CD99: variants seen among roughly 807,000 people sequenced by gnomAD.
CD99 encodes CD99 antigen.
A neutral mutation model predicts 28.4 loss-of-function variants in CD99; 19 were observed. The observed-to-expected ratio is 0.67, with a 90% confidence interval of 0.47 to 0.98. The LOEUF is 0.98. Among genes scored for constraint, CD99 ranks in the 50% least tolerant of loss-of-function variants. The pLI is 0.00. For synonymous variants in CD99, 103 were observed against 92.1 expected, an observed-to-expected ratio of 1.12 and a Z score of -0.67; for missense variants, 283 against 248.8, an observed-to-expected ratio of 1.14 and a Z score of -0.92.
intron 1 of CD99, among the ~76,000 whole-genome samples, chrX:2,699,737 G>A (rs1409613722): frequency 1.3e-5 from 2 of 152,102 alleles, no homozygotes; most frequent in South Asian, 2.1e-4. Flanking sequence ...GTTTATAGGC[G>A]GGAGCCACTG....
intron 1 of CD99, among the ~76,000 whole-genome samples, chrX:2,706,749 G>A (rs2048135784): frequency 6.6e-6 from 1 of 152,134 alleles, no homozygotes. Flanking sequence ...CTGTTACTAT[G>A]TAATGATTGT....
intron 1 of CD99, 53 bp downstream of exon 1, chrX:2,691,480 C>T (rs1376001828): frequency 2.3e-5 from 36 of 1,535,920 alleles, no homozygotes; most frequent in Non-Finnish European, 3.1e-5. Flanking sequence ...CGGGCCGGGA[C>T]TGGGGATCCG....
At chrX:2,693,659 G>T (rs186471626) in intron 1 of CD99, among the ~76,000 whole-genome samples, 8 of 152,160 alleles carry the variant, frequency 5.3e-5, no homozygotes, top group Non-Finnish European at 1.0e-4. Context: ...GATAGCTCTG[G>T]CCTGATCTCA....
chrX:2,717,651 T>G lies in CD99; in HGVS notation c.147T>G (p.Ala49=), dbSNP rs1161958046. 6.2e-7 allele frequency: 1 copy of G among 1,613,182 alleles called. No individual in the cohort carries two copies. The highest frequency in any genetic ancestry group is 8.5e-7 in the Non-Finnish European group (1 of 1,179,270). ...KPTAIPKKPS[A]GDDFDLGDAV... is the part of the protein sequence containing the mutation. ...CTGCAATCCCCAAGAAACCCAGTGC[T>G]GGTGAGAAGGGCTTCTTCCTAGTAT... is the stretch of plus-strand genomic sequence containing the variant. The change falls in exon 3 of 10, where the codon GCT becomes GCG. Residue 49 remains alanine (A), a splice_region_variant and synonymous_variant. Coordinates refer to ENST00000381192, the MANE Select transcript of CD99 (RefSeq NM_002414.5).
intron 8 of CD99, among the ~76,000 whole-genome samples, chrX:2,736,571 T>A (rs2049950846): frequency 6.6e-6 from 1 of 151,252 alleles, no homozygotes. Flanking sequence ...AATTTGGGAA[T>A]AGAGGGCCGG....
In CD99 at chrX:2,717,646, A is replaced by G; in HGVS notation, c.142A>G (p.Ser48Gly). The change falls in exon 3 of 10, where the codon AGT becomes GGT. Residue 48 changes from serine (S) to glycine (G), a missense_variant. Physicochemically the swap from Ser to Gly is moderately conservative, Grantham distance 56. Transcript: ENST00000381192. ...KKPTAIPKKP[S>G]AGDDFDLGDA... ...ACCCACTGCAATCCCCAAGAAACCC[A>G]GTGCTGGTGAGAAGGGCTTCTTCCT... is the stretch of plus-strand genomic sequence containing the variant. 6.2e-7 allele frequency: 1 copy of G among 1,613,528 alleles called. No homozygotes were observed.
chrX:2,698,182 T>C (rs1461241725), intron 1 of CD99, among the ~76,000 whole-genome samples: 1 of 150,366 alleles, frequency 6.7e-6, no homozygotes, highest in African/African-American at 2.5e-5. Context: ...TTTTTCTTTG[T>C]TTCTTTTTTT....
intron 1 of CD99, among the ~76,000 whole-genome samples, chrX:2,700,320 C>G (rs1361012857): frequency 6.6e-6 from 1 of 152,166 alleles, no homozygotes; most frequent in East Asian, 1.9e-4. Context: ...TCCTCAGGGT[C>G]TCCGTGTTCT....
chrX:2,707,118 C>A (rs2048157072), intron 1 of CD99, among the ~76,000 whole-genome samples: 1 of 152,124 alleles, frequency 6.6e-6, no homozygotes, highest in African/African-American at 2.4e-5. Context: ...TCACTTGATG[C>A]CCGGAGTTTG....
rs768634124 is a variant in CD99 at position 2,740,895 on chromosome X, G to C, written c.*91G>C. Reference sequence around the variant, plus strand: ...CCTGAAGGACACCTGCCTGAGAGCAGAGATGGAGGCCTTCTGTTCACGGCG... The same window carrying C: ...CCTGAAGGACACCTGCCTGAGAGCACAGATGGAGGCCTTCTGTTCACGGCG... On this transcript the variant is annotated 3_prime_UTR_variant, in exon 10 of 10. Transcript: ENST00000381192. 7.5e-7 allele frequency: 1 copy of C among 1,341,014 alleles called. No homozygotes were observed. The highest frequency in any genetic ancestry group is 1.1e-6 in the Non-Finnish European group (1 of 930,760). The allele number at this position is 1,341,014 out of a possible 1,614,324, so 83.1% of individuals were successfully genotyped here.
intron 1 of CD99, among the ~76,000 whole-genome samples, chrX:2,703,917 G>A (rs910528920): frequency 3.9e-5 from 6 of 152,086 alleles, no homozygotes; most frequent in Non-Finnish European, 8.8e-5. Context: ...GCCTGTGGAA[G>A]GGGTGACAGG....
chrX:2,727,163 C>T (rs1195222329), intron 8 of CD99: 3 of 701,910 alleles, frequency 4.3e-6, no homozygotes, highest in Non-Finnish European at 8.0e-6. Context: ...CAAAAACCAG[C>T]ACAGCGGATT....
chrX:2,733,787 C>G (rs746383768), intron 8 of CD99: 7 of 217,432 alleles, frequency 3.2e-5, no homozygotes, highest in Admixed American at 2.1e-4. Flanking sequence ...TAAGCTCACT[C>G]ACGTCCTAAG....
At chrX:2,737,282 A>T (rs140713992) in intron 8 of CD99, among the ~76,000 whole-genome samples, 4,877 of 151,624 alleles carry the variant, frequency 0.032, 93 homozygotes, top group East Asian at 0.094. Flanking sequence ...GGTTCAAATG[A>T]TTCTCCTGTC....
intron 1 of CD99, among the ~76,000 whole-genome samples, chrX:2,703,995 G>C (rs1245334678): frequency 6.6e-6 from 1 of 151,994 alleles, no homozygotes; most frequent in African/African-American, 2.4e-5. Flanking sequence ...TCCTGAAGGC[G>C]GGGTCCTTCA....
At chrX:2,733,375 G>T in intron 8 of CD99, 1 of 1,592,680 alleles carries the variant, frequency 6.3e-7, no homozygotes. Context: ...AGACCTAGGG[G>T]TGAGCAGAGA....
intron 1 of CD99, among the ~76,000 whole-genome samples, chrX:2,694,392 C>T (rs1258217910): frequency 8.6e-5 from 13 of 151,866 alleles, no homozygotes; most frequent in Middle Eastern, 3.4e-3. Context: ...TATCATCCAG[C>T]GAGTTTGCCT....
chrX:2,717,205 G>A (rs1262435404), intron 2 of CD99, among the ~76,000 whole-genome samples: 3 of 152,018 alleles, frequency 2.0e-5, no homozygotes, highest in Non-Finnish European at 4.4e-5. Context: ...AAAATTAGCC[G>A]GGAGTGATGG....
At chrX:2,719,610 T>G in intron 3 of CD99, 51 bp from the exon 4 acceptor site, 1 of 1,501,620 alleles carries the variant, frequency 6.7e-7, no homozygotes, top group Non-Finnish European at 9.3e-7. Context: ...GGTCATTCCT[T>G]CCTCGTTTCT....
Sources: gnomAD v4.1 joint callset for allele counts (sites outside exome capture counted in the v4.1 genomes callset) on GRCh38, gnomAD v4.1.1 for gene constraint, MANE v1.5 for transcripts, NCBI Gene and HGNC (gene_info 2026-07-23, HGNC 2026-07-21) for gene names.